Variants in CNGA1 observed in about 807,000 individuals in gnomAD.
CNGA1 encodes cyclic nucleotide gated channel subunit alpha 1, also known as cyclic nucleotide-gated channel alpha-1.
CNGA1 carries 53 observed loss-of-function variants against 69.7 expected under a neutral mutation model. The observed-to-expected ratio is 0.76, with a 90% CI of 0.61 to 0.96. The LOEUF (loss-of-function observed/expected upper bound fraction) is 0.96. Ranked by LOEUF, CNGA1 falls within the 40% of genes least tolerant of loss-of-function variation. The pLI is 0.00. For missense variants in CNGA1, 739 were observed against 811.2 expected (o/e 0.91, Z 1.08); for synonymous variants, 249 against 283.5 (o/e 0.88, Z 1.22).
chr4:47,947,662 C>T (rs756078278), intron 6 of CNGA1, among the ~76,000 whole-genome samples: 12 of 151,666 alleles, frequency 7.9e-5, no homozygotes, highest in Non-Finnish European at 1.6e-4. Context: ...TGAGTGAGTA[C>T]CTGTCTCAAA....
chr4:47,984,689 CACACAT>C (rs1291900387), intron 2 of CNGA1, among the ~76,000 whole-genome samples: 6 of 142,408 alleles, frequency 4.2e-5, no homozygotes, highest in African/African-American at 2.7e-5. Flanking sequence ...CACACACACA[CACACAT>C]ATATATATAA....
intron 10 of CNGA1, among the ~76,000 whole-genome samples, chr4:47,939,286 G>T (rs900503472): frequency 1.3e-5 from 2 of 152,170 alleles, no homozygotes; most frequent in Middle Eastern, 3.2e-3. Context: ...TATGGGGTTT[G>T]GAGCATTATC....
At chr4:48,006,363 G>A (rs1714916811) in intron 2 of CNGA1, among the ~76,000 whole-genome samples, 2 of 152,000 alleles carry the variant, frequency 1.3e-5, no homozygotes, top group South Asian at 2.1e-4. Context: ...TACCTCTGTT[G>A]CACACAATAA....
chr4:47,982,873 C>T (rs148764139), intron 2 of CNGA1, among the ~76,000 whole-genome samples: 119 of 152,194 alleles, frequency 7.8e-4, no homozygotes, highest in African/African-American at 2.5e-3. Context: ...GGTGCCATCG[C>T]GGCTCACTGC....
At position 47,936,483 on chromosome 4, in the gene CNGA1, C is replaced by T; in HGVS notation, c.1999G>A (p.Asp667Asn). ...CCCTCAATACTTGAAAATTCTGTGT[C>T]AATAAGCGGTTTCAGAAATTTCTCA... ...KVEKFLKPLIDTEFSSIEGPG... is the reference protein window; with the variant it reads ...KVEKFLKPLINTEFSSIEGPG... Residue 667 changes from aspartate (D) to asparagine (N), a missense_variant, in exon 11 of 11, where the codon GAC (aspartate) becomes AAC (asparagine). Physicochemically the swap from Asp to Asn is conservative, Grantham distance 23. Coordinates refer to ENST00000514170, the MANE Select transcript of CNGA1 (RefSeq NM_001379270.1). The T allele has an allele frequency of 6.2e-7, 1 of 1,614,156 alleles. No individual in the cohort carries two copies.
At position 47,951,362 on chromosome 4, in the gene CNGA1, G is replaced by T; in HGVS notation, c.215C>A (p.Pro72Gln). 6.3e-7 allele frequency: 1 copy of T among 1,598,352 alleles called. No individual in the cohort carries two copies. The highest frequency in any genetic ancestry group is 2.2e-5 in the East Asian group (1 of 44,758). ...GGATCATACTGCTCACCTCTGTGAT[G>T]GTCCTCCCTTTCTGAGTGACTTATA... ...FSYKSLRKGG[P>Q]SQREQYLPGA... Residue 72 changes from proline (P) to glutamine (Q), a missense_variant, in exon 5 of 11, where the codon CCA becomes CAA. Transcript: ENST00000514170.
intron 2 of CNGA1, among the ~76,000 whole-genome samples, chr4:48,004,213 G>A (rs747620826): frequency 3.9e-5 from 6 of 152,218 alleles, no homozygotes; most frequent in Non-Finnish European, 5.9e-5. Context: ...CAGTGGACAC[G>A]TGACCCATGT....
intron 3 of CNGA1, among the ~76,000 whole-genome samples, chr4:47,955,583 T>C (rs1263636507): frequency 6.6e-6 from 1 of 152,246 alleles, no homozygotes; most frequent in Non-Finnish European, 1.5e-5. Context: ...TGAGCCATGC[T>C]GTTTCACACC....
chr4:47,989,136 T>C (rs894352175), intron 2 of CNGA1, among the ~76,000 whole-genome samples: 2 of 152,186 alleles, frequency 1.3e-5, no homozygotes, highest in African/African-American at 4.8e-5. Context: ...CTTAGCTGTG[T>C]TACTTAGGTC....
rs1738692118 is a variant in CNGA1, at chr4:47,936,966, C to T, written c.1516G>A (p.Gly506Arg). The change falls in exon 11 of 11, where the codon GGG becomes AGG. Residue 506 changes from glycine (G) to arginine (R), a missense_variant. Coordinates refer to ENST00000514170, the MANE Select transcript of CNGA1 (RefSeq NM_001379270.1). ...ATGTACATCTCTCGTCCGATATCCC[C>T]TTTCTTGCAAATATAATCTCCAGGA... The part of the protein sequence containing the change: ...YSPGDYICKK[G>R]DIGREMYIIK... 4 of 1,613,826 alleles carry T rather than the reference C, an allele frequency of 2.5e-6. No individual in the cohort carries two copies. The highest frequency in any genetic ancestry group is 1.3e-5 in the African/African-American group (1 of 74,922).
intron 6 of CNGA1, among the ~76,000 whole-genome samples, chr4:47,943,918 T>A (rs1244468131): frequency 6.6e-6 from 1 of 152,142 alleles, no homozygotes; most frequent in African/African-American, 2.4e-5. Context: ...TTAGAATAAT[T>A]TACCAGATTT....
chr4:47,963,325 A>C (rs375208769), intron 3 of CNGA1, among the ~76,000 whole-genome samples: 16 of 152,246 alleles, frequency 1.1e-4, no homozygotes, highest in African/African-American at 3.9e-4. Context: ...GGCCTTTGCA[A>C]AGCAGAATCA....
chr4:47,984,969 G>A (rs1338895350), intron 2 of CNGA1, among the ~76,000 whole-genome samples: 1 of 152,110 alleles, frequency 6.6e-6, no homozygotes, highest in Admixed American at 6.6e-5. Flanking sequence ...AGTTTTCTAC[G>A]ATATCACACT....
intron 2 of CNGA1, among the ~76,000 whole-genome samples, chr4:48,009,161 T>C (rs2109354333): frequency 6.6e-6 from 1 of 152,310 alleles, no homozygotes; most frequent in Non-Finnish European, 1.5e-5. Flanking sequence ...ATTTTAAAGC[T>C]AGCTTATTTA....
chr4:47,943,462 T>C, intron 6 of CNGA1, 50 bp from the exon 7 acceptor site: 1 of 1,157,830 alleles, frequency 8.6e-7, no homozygotes, highest in Non-Finnish European at 1.2e-6. Flanking sequence ...CTTCCACTCT[T>C]ATTTACTTTC....
intron 3 of CNGA1, among the ~76,000 whole-genome samples, chr4:47,967,914 G>T (rs903368496): frequency 6.6e-6 from 1 of 151,970 alleles, no homozygotes; most frequent in African/African-American, 2.4e-5. Flanking sequence ...GGAGGTGGAG[G>T]TTGCAGTGAG....
intron 3 of CNGA1, among the ~76,000 whole-genome samples, chr4:47,964,781 A>G (rs1740635175): frequency 6.6e-6 from 1 of 152,006 alleles, no homozygotes; most frequent in Non-Finnish European, 1.5e-5. Context: ...TTTCCTTTAC[A>G]TTTTCAAAAA....
chr4:47,971,102 T>G (rs778999452), intron 3 of CNGA1: 20 of 389,858 alleles, frequency 5.1e-5, no homozygotes, highest in Admixed American at 1.9e-4. Context: ...AGACTCCATC[T>G]AAAAAAAAAA....
chr4:48,011,101 T>C (rs1355891998), intron 1 of CNGA1, among the ~76,000 whole-genome samples: 1 of 152,176 alleles, frequency 6.6e-6, no homozygotes, highest in Non-Finnish European at 1.5e-5. Flanking sequence ...TTTTGCCTAA[T>C]TAGCATTTTA....
Sources: allele counts gnomAD v4.1 joint callset (sites outside exome capture counted in the v4.1 genomes callset), GRCh38; gene constraint gnomAD v4.1.1; transcripts MANE v1.5; gene names NCBI Gene and HGNC (gene_info 2026-07-23, HGNC 2026-07-21).